TMEM108: variants seen among roughly 807,000 people sequenced by gnomAD.
TMEM108 encodes cancer/testis antigen 124.
In TMEM108, 12 loss-of-function variants were observed where a neutral mutation model predicts 35.1. The observed-to-expected ratio is 0.34, with a 90% CI of 0.22 to 0.55. The LOEUF (loss-of-function observed/expected upper bound fraction) is 0.55. Among genes scored for constraint, TMEM108 ranks in the 20% least tolerant of loss-of-function variants. TMEM108 has a pLI of 0.89. For synonymous variants in TMEM108, 287 were observed against 308.6 expected, an observed-to-expected ratio of 0.93 and a Z score of 0.73; for missense variants, 680 against 753.3, an observed-to-expected ratio of 0.90 and a Z score of 1.14.
At chr3:133,336,226 G>A (rs1432786558) in intron 3 of TMEM108, among the ~76,000 whole-genome samples, 1 of 152,058 alleles carries the variant, frequency 6.6e-6, no homozygotes, top group Non-Finnish European at 1.5e-5. Context: ...ACACCAGCTG[G>A]GAGTGCTTAT....
At chr3:133,176,013 G>A (rs58005025) in intron 2 of TMEM108, among the ~76,000 whole-genome samples, 28,199 of 152,134 alleles carry the variant, frequency 0.19, 3,435 homozygotes, top group East Asian at 0.37. Context: ...AAAGGCAGCG[G>A]TTGCAATCCT....
chr3:133,231,048 A>C (rs1276304109), intron 3 of TMEM108, among the ~76,000 whole-genome samples: 1 of 152,216 alleles, frequency 6.6e-6, no homozygotes, highest in Non-Finnish European at 1.5e-5. Context: ...ACATGCATAT[A>C]CACACAATAG....
intron 2 of TMEM108, among the ~76,000 whole-genome samples, chr3:133,083,616 T>C (rs1943843076): frequency 6.6e-6 from 1 of 152,222 alleles, no homozygotes; most frequent in African/African-American, 2.4e-5. Flanking sequence ...GTCACATTCA[T>C]TGGGCAATTT....
Position 133,051,665 on chromosome 3 carries a change from G to C in TMEM108, c.-47+5645G>C, listed in dbSNP as rs190014215. 1.7e-3 allele frequency among the ~76,000 whole-genome samples: 263 copies of C among 152,176 alleles called. 2 individuals carry two copies. Among genetic ancestry groups the C allele is most frequent in the African/African-American group, 6.2e-3 (258 of 41,538 alleles). ...TTTTGTCCTTTACATTTAGGCCTGT[G>C]ATCCATTTTGAGTTAATTTTTGTAA... On this transcript the variant is annotated intron_variant, in intron 2 of 5. Coordinates refer to ENST00000321871, the MANE Select transcript of TMEM108 (RefSeq NM_023943.4).
In TMEM108 at chr3:133,373,348, C is replaced by CAAA. The variant is rs59367666; in HGVS notation, c.41-6389_41-6387dup. On this transcript the variant is annotated intron_variant, in intron 3 of 5. Transcript: ENST00000321871. ...TGGGTCACAGAGTGAGACCTTGTCTCAAAAAAAAAAAAAAAAAGAAATTTA... is the reference window on the plus strand; with the variant it reads ...TGGGTCACAGAGTGAGACCTTGTCTCAAAAAAAAAAAAAAAAAAAAGAAATTTA... Among the ~76,000 whole-genome samples the CAAA allele has an allele frequency of 2.8e-4, 22 of 79,912 alleles. 1 individual carries two copies. The highest frequency in any genetic ancestry group is 1.1e-3 in the African/African-American group (20 of 18,574). 52.4% of individuals were successfully genotyped at this position (79,912 alleles called of 152,430 possible). A position where few individuals can be genotyped will look rare whatever the true frequency, so the allele number is the denominator to read the frequency against.
chr3:133,307,520 C>T (rs999975324), intron 3 of TMEM108, among the ~76,000 whole-genome samples: 3 of 152,110 alleles, frequency 2.0e-5, no homozygotes, highest in Non-Finnish European at 4.4e-5. Flanking sequence ...ACATTTAAGT[C>T]TTTAGTCCAT....
intron 2 of TMEM108, among the ~76,000 whole-genome samples, chr3:133,099,054 G>A (rs967968367): frequency 6.6e-6 from 1 of 152,220 alleles, no homozygotes; most frequent in Non-Finnish European, 1.5e-5. Flanking sequence ...TTCTCCATGA[G>A]GGCCCCACCC....
intron 2 of TMEM108, among the ~76,000 whole-genome samples, chr3:133,150,212 T>C (rs796181072): frequency 1.2e-4 from 18 of 152,282 alleles, no homozygotes; most frequent in African/African-American, 4.3e-4. Flanking sequence ...TTCATTATGG[T>C]TTTGATTTGC....
intron 2 of TMEM108, among the ~76,000 whole-genome samples, chr3:133,068,636 A>G (rs1489170837): frequency 3.9e-5 from 6 of 152,152 alleles, no homozygotes. Flanking sequence ...ACTTTTGCTG[A>G]TATGTGAAGA....
chr3:133,200,408 T>C (rs1233804981), intron 2 of TMEM108, among the ~76,000 whole-genome samples: 2 of 152,322 alleles, frequency 1.3e-5, no homozygotes, highest in East Asian at 1.9e-4. Flanking sequence ...AGAGAAGTTC[T>C]GAGCTCACTA....
At chr3:133,261,467 G>A (rs1183863279) in intron 3 of TMEM108, among the ~76,000 whole-genome samples, 1 of 152,176 alleles carries the variant, frequency 6.6e-6, no homozygotes, top group Non-Finnish European at 1.5e-5. Context: ...CTTCCTGGCT[G>A]TGCATCAGTG....
intron 2 of TMEM108, among the ~76,000 whole-genome samples, chr3:133,221,760 T>C (rs550845849): frequency 5.3e-5 from 8 of 151,840 alleles, no homozygotes; most frequent in African/African-American, 1.7e-4. Context: ...TAAAAGCCTT[T>C]TTTCAAGCTG....
rs200450122 is a variant in TMEM108 at position 133,170,233 on chromosome 3, C to A, written c.-46-59033C>A. On this transcript the variant is annotated intron_variant, in intron 2 of 5. Transcript: ENST00000321871. ...AGTTTACATAACTGTTATAGAAAAA[C>A]TAATATTCCCATAATATTCACATTG... 3.5e-4 allele frequency among the ~76,000 whole-genome samples: 53 copies of A among 152,236 alleles called. 1 individual carries two copies. The East Asian group carries it at 5.4e-3, about 16-fold the overall frequency.
intron 2 of TMEM108, among the ~76,000 whole-genome samples, chr3:133,170,822 T>C (rs1401271523): frequency 2.6e-5 from 4 of 152,174 alleles, no homozygotes; most frequent in Non-Finnish European, 4.4e-5. Flanking sequence ...GTATTGTTGC[T>C]GAATTGTGGA....
chr3:133,367,232 A>G (rs556092167), intron 3 of TMEM108, among the ~76,000 whole-genome samples: 18 of 152,344 alleles, frequency 1.2e-4, no homozygotes, highest in African/African-American at 4.1e-4. Context: ...CATTCTCAGG[A>G]TAGGCTTAAG....
At chr3:133,044,310 G>A (rs539969667) in intron 1 of TMEM108, among the ~76,000 whole-genome samples, 1 of 152,282 alleles carries the variant, frequency 6.6e-6, no homozygotes, top group Admixed American at 6.5e-5. Flanking sequence ...AAAATAAGGG[G>A]AGAGAGTAGG....
intron 3 of TMEM108, among the ~76,000 whole-genome samples, chr3:133,358,212 C>T (rs928488226): frequency 6.6e-6 from 1 of 151,700 alleles, no homozygotes; most frequent in African/African-American, 2.4e-5. Flanking sequence ...TGCTCTGTCA[C>T]CCAGGCTGGA....
chr3:133,238,168 G>T (rs900505044), intron 3 of TMEM108, among the ~76,000 whole-genome samples: 1 of 152,020 alleles, frequency 6.6e-6, no homozygotes, highest in East Asian at 1.9e-4. Flanking sequence ...AACACAGTGT[G>T]TTCCAGCCAT....
chr3:133,183,663 A>G (rs1945379552), intron 2 of TMEM108, among the ~76,000 whole-genome samples: 1 of 152,142 alleles, frequency 6.6e-6, no homozygotes, highest in Admixed American at 6.5e-5. Flanking sequence ...AATTCAGGAA[A>G]ACACCACAGG....
Sources: gnomAD v4.1 joint callset for allele counts (sites outside exome capture counted in the v4.1 genomes callset) on GRCh38, gnomAD v4.1.1 for gene constraint, MANE v1.5 for transcripts, NCBI Gene and HGNC (gene_info 2026-07-23, HGNC 2026-07-21) for gene names.